ACAP2: variants seen among roughly 807,000 people sequenced by gnomAD.
ACAP2 encodes the protein ArfGAP with coiled-coil, ankyrin repeat and PH domains 2.
Under a neutral mutation model 115.8 loss-of-function variants are expected in ACAP2, and 39 were observed. The ratio of observed to expected loss-of-function variants is 0.34; its 90% CI spans 0.26 to 0.44. The LOEUF is 0.44. ACAP2 is among the 20% of genes least tolerant of loss of function. The pLI is 1.00. For synonymous variants in ACAP2, 289 were observed against 315.8 expected (o/e 0.92, Z 0.90); for missense variants, 662 against 927.6 (o/e 0.71, Z 3.72).
chr3:195,339,156 T>C (rs2108642618), intron 6 of ACAP2, among the ~76,000 whole-genome samples: 1 of 152,162 alleles, frequency 6.6e-6, no homozygotes, highest in East Asian at 1.9e-4. Flanking sequence ...ACTTAAACCC[T>C]GGAGGCGGAG....
intron 9 of ACAP2, among the ~76,000 whole-genome samples, chr3:195,322,965 C>T (rs1729545634): frequency 6.6e-6 from 1 of 152,112 alleles, no homozygotes; most frequent in Non-Finnish European, 1.5e-5. Flanking sequence ...TTAGAATCTC[C>T]TTAAATACAC....
intron 13 of ACAP2, 74 bp downstream of exon 13, chr3:195,306,437 A>T: frequency 2.6e-6 from 2 of 773,374 alleles, no homozygotes; most frequent in Non-Finnish European, 4.1e-6. Flanking sequence ...TGCTACATAC[A>T]GTCATATAAC....
chr3:195,284,901 ACT>A (rs921399738), intron 22 of ACAP2, among the ~76,000 whole-genome samples: 1 of 152,140 alleles, frequency 6.6e-6, no homozygotes, highest in African/African-American at 2.4e-5. Flanking sequence ...ACCAATAATT[ACT>A]CTCTTCTTTG....
intron 1 of ACAP2, among the ~76,000 whole-genome samples, chr3:195,416,150 G>A (rs998896325): frequency 5.3e-5 from 8 of 151,944 alleles, no homozygotes; most frequent in East Asian, 1.9e-4. Context: ...GTTCGAGACC[G>A]CCCTGGCTAA....
At chr3:195,422,441 T>C (rs902424715) in intron 1 of ACAP2, among the ~76,000 whole-genome samples, 2 of 152,176 alleles carry the variant, frequency 1.3e-5, no homozygotes, top group Admixed American at 6.5e-5. Flanking sequence ...TTTTGTTCCA[T>C]ATTGTGACAT....
chr3:195,435,881 GT>G (rs1332664017), intron 1 of ACAP2, among the ~76,000 whole-genome samples: 6 of 151,988 alleles, frequency 3.9e-5, no homozygotes, highest in Non-Finnish European at 7.4e-5. Context: ...TTATAGCACT[GT>G]TCACATCTTC....
intron 2 of ACAP2, among the ~76,000 whole-genome samples, chr3:195,391,293 G>C (rs576648413): frequency 6.9e-6 from 1 of 145,430 alleles, no homozygotes; most frequent in African/African-American, 2.6e-5. Flanking sequence ...GCAATGGCAC[G>C]ATCTCAGCTC....
At chr3:195,374,743 C>T (rs925148329) in intron 4 of ACAP2, among the ~76,000 whole-genome samples, 1 of 141,100 alleles carries the variant, frequency 7.1e-6, no homozygotes, top group Admixed American at 7.1e-5. Context: ...GAGACGGAGT[C>T]ACGCTCTGTC....
chr3:195,325,857 T>C (rs1729761726), intron 9 of ACAP2, among the ~76,000 whole-genome samples: 1 of 152,156 alleles, frequency 6.6e-6, no homozygotes, highest in Non-Finnish European at 1.5e-5. Flanking sequence ...AAATAAAAAG[T>C]TAACCAAACA....
At chr3:195,334,687 T>C (rs1394105061) in intron 7 of ACAP2, among the ~76,000 whole-genome samples, 4 of 152,032 alleles carry the variant, frequency 2.6e-5, no homozygotes, top group Non-Finnish European at 5.9e-5. Flanking sequence ...AGGGGCAGCA[T>C]GGGGGAAAAA....
chr3:195,302,131 G>A lies in ACAP2; in HGVS notation c.1160C>T (p.Ser387Phe), dbSNP rs952709813. The part of the protein sequence containing the change: ...KSSPSTGSLD[S>F]GNESKEKLLK... Reference sequence around the variant, plus strand: ...TAATTTCTCTTTGGACTCATTTCCAGAATCTAGGCTTCCTGTGGATGGAGA... The same window carrying A: ...TAATTTCTCTTTGGACTCATTTCCAAAATCTAGGCTTCCTGTGGATGGAGA... The change falls in exon 14 of 23, where the codon TCT (serine) becomes TTT (phenylalanine). Residue 387 changes from serine to phenylalanine, a missense_variant. By Grantham distance (155) the Ser-to-Phe change is radical. Transcript: ENST00000326793. The A allele has an allele frequency of 1.5e-5, 25 of 1,613,786 alleles. No homozygotes were observed. The highest frequency in any genetic ancestry group is 2.1e-5 in the Non-Finnish European group (25 of 1,180,010).
intron 2 of ACAP2, among the ~76,000 whole-genome samples, chr3:195,391,431 G>T (rs992285103): frequency 2.0e-5 from 3 of 151,700 alleles, no homozygotes; most frequent in African/African-American, 7.3e-5. Flanking sequence ...TCTCCATGGT[G>T]GTCAGACTGG....
chr3:195,351,129 T>TTTTTTGA (rs75945777), intron 4 of ACAP2, among the ~76,000 whole-genome samples: 4 of 131,864 alleles, frequency 3.0e-5, no homozygotes, highest in African/African-American at 1.2e-4. Context: ...TTTTTTTTTT[T>TTTTTTGA]GGGCGGGGGA....
chr3:195,386,346 A>T (rs1426963389), intron 2 of ACAP2, among the ~76,000 whole-genome samples: 2 of 152,220 alleles, frequency 1.3e-5, no homozygotes, highest in East Asian at 3.8e-4. Context: ...ACTAAAAACC[A>T]TGAATTACTC....
intron 21 of ACAP2, among the ~76,000 whole-genome samples, chr3:195,287,021 G>GTA (rs1209806400): frequency 1.3e-5 from 2 of 152,198 alleles, no homozygotes; most frequent in Non-Finnish European, 2.9e-5. Flanking sequence ...ATCTGAGAAA[G>GTA]TATGTTTTGC....
chr3:195,324,250 T>TACTA (rs1729631579), intron 9 of ACAP2, among the ~76,000 whole-genome samples: 5 of 152,146 alleles, frequency 3.3e-5, no homozygotes, highest in Admixed American at 2.6e-4. Context: ...GACAGCATAG[T>TACTA]ATTGACAGTT....
intron 12 of ACAP2, chr3:195,306,866 A>AC (rs201692308): frequency 3.3e-6 from 1 of 304,178 alleles, no homozygotes; most frequent in African/African-American, 2.2e-5. Flanking sequence ...AAAAAAAAAA[A>AC]CCACTTAAAT....
At chr3:195,372,987 C>CAAAAAAAAAAAAA (rs869134113) in intron 4 of ACAP2, among the ~76,000 whole-genome samples, 228 of 17,758 alleles carry the variant, frequency 0.013, 24 homozygotes, top group Non-Finnish European at 0.021. Context: ...GACTCCATCT[C>CAAAAAAAAAAAAA]AAAAAAAAAA....
rs187817287 is a variant in ACAP2, at chr3:195,373,218, A to C, written c.285+7791T>G. On this transcript the variant is annotated intron_variant, in intron 4 of 22. Transcript: ENST00000326793. ...ATGTGGGAGGATTGCTTGAGCCCAG[A>C]AGTTCGTTTAAAAATAAAAATAAAA... Among the ~76,000 whole-genome samples, 16 of 151,918 alleles carry C rather than the reference A, an allele frequency of 1.1e-4. No homozygotes were observed. The East Asian group carries it at 2.7e-3, about 26-fold the overall frequency.
Sources: gnomAD v4.1 joint callset for allele counts (sites outside exome capture counted in the v4.1 genomes callset) on GRCh38, gnomAD v4.1.1 for gene constraint, MANE v1.5 for transcripts, NCBI Gene and HGNC (gene_info 2026-07-23, HGNC 2026-07-21) for gene names.